ADHFE1: variants seen among roughly 807,000 people sequenced by gnomAD.
ADHFE1 encodes hydroxyacid-oxoacid transhydrogenase, mitochondrial.
A neutral mutation model predicts 54.8 loss-of-function variants in ADHFE1; 37 were observed. The observed-to-expected ratio is 0.68, with a 90% CI of 0.52 to 0.89. The LOEUF is 0.89. Ranked by LOEUF, ADHFE1 falls within the 40% of genes least tolerant of loss-of-function variation. ADHFE1 has a pLI of 0.00. For missense variants in ADHFE1, 601 were observed against 591.2 expected, an observed-to-expected ratio of 1.02 and a Z score of -0.17; for synonymous variants, 203 against 229.3, an observed-to-expected ratio of 0.89 and a Z score of 1.04.
At chr8:66,449,930 G>T (rs759319173) in intron 8 of ADHFE1, among the ~76,000 whole-genome samples, 8 of 152,170 alleles carry the variant, frequency 5.3e-5, no homozygotes, top group Non-Finnish European at 1.2e-4. Context: ...ACCAGCCTGG[G>T]CAACAAAGTG....
intron 1 of ADHFE1, among the ~76,000 whole-genome samples, chr8:66,438,651 G>A (rs1049261905): frequency 2.6e-5 from 4 of 152,092 alleles, no homozygotes; most frequent in East Asian, 1.9e-4. Context: ...AATGTAGGTC[G>A]GGAGGAGAGA....
In ADHFE1 at chr8:66,439,814, C is replaced by A. The variant is rs983252020; in HGVS notation, c.60-348C>A. 9.2e-7 allele frequency: 1 copy of A among 1,092,796 alleles called. No homozygotes were observed. Among genetic ancestry groups the A allele is most frequent in the Admixed American group, 4.6e-5 (1 of 21,924 alleles). The allele number at this position is 1,092,796 out of a possible 1,614,324, so 67.7% of individuals were successfully genotyped here. The stretch of plus-strand genomic sequence containing the variant: ...GGGCCGATTTGGTCAACGCTCCTAA[C>A]CCAGTAAGAGCTGGGGCTTCATGGA... On this transcript the variant is annotated intron_variant, in intron 1 of 13. Coordinates refer to ENST00000396623, the MANE Select transcript of ADHFE1 (RefSeq NM_144650.3). This position sits in a 1 kb window ranked among gnomAD's most constrained non-coding sequence, Gnocchi z 4.4.
chr8:66,444,251 A>G lies in ADHFE1; in HGVS notation c.145-116A>G, dbSNP rs956918922. ...CAGGTGGGAGATGACCTGGAAGACC[A>G]TGCTAAGGAGTGTATACTTTATGCT... On this transcript the variant is annotated intron_variant, in intron 3 of 13. Transcript: ENST00000396623. The G allele has an allele frequency of 4.4e-6, 4 of 903,952 alleles. No individual in the cohort carries two copies. In the African/African-American group the frequency reaches 5.0e-5, roughly 11 times the overall value. The allele number at this position is 903,952 out of a possible 1,614,324, so 56.0% of individuals were successfully genotyped here.
At chr8:66,436,727 G>C (rs564447635) in intron 1 of ADHFE1, among the ~76,000 whole-genome samples, 3 of 152,212 alleles carry the variant, frequency 2.0e-5, no homozygotes, top group Non-Finnish European at 2.9e-5. Context: ...CATGAGACCA[G>C]GGGAGGTCAC....
chr8:66,458,380 G>T (rs1225434399), intron 12 of ADHFE1, among the ~76,000 whole-genome samples: 1 of 152,226 alleles, frequency 6.6e-6, no homozygotes. Context: ...CCAGGGCAGA[G>T]AGGGGCCAGG....
rs149219302 is a variant in ADHFE1 at position 66,453,808 on chromosome 8, C to T, written c.888-251C>T. 566 of 1,450,284 alleles carry T rather than the reference C, an allele frequency of 3.9e-4. 1 individual carries two copies. In the African/African-American group the frequency reaches 6.6e-3, roughly 17 times the overall value. The allele number at this position is 1,450,284 out of a possible 1,614,324, so 89.8% of individuals were successfully genotyped here. A position where few individuals can be genotyped will look rare whatever the true frequency, so the allele number is the denominator to read the frequency against. Reference sequence around the variant, plus strand: ...CCAGGGACCAGCGCGTTGCCTCCCCCGGCGCTTTTACATCACATGAGCAGC... The same window carrying T: ...CCAGGGACCAGCGCGTTGCCTCCCCTGGCGCTTTTACATCACATGAGCAGC... On this transcript the variant is annotated intron_variant, in intron 9 of 13. Transcript: ENST00000396623.
intron 13 of ADHFE1, among the ~76,000 whole-genome samples, chr8:66,464,433 A>T (rs796712078): frequency 3.9e-5 from 6 of 151,970 alleles, no homozygotes; most frequent in African/African-American, 1.4e-4. Flanking sequence ...ATCAGATAAG[A>T]CTCTCTCCCA....
intron 12 of ADHFE1, among the ~76,000 whole-genome samples, chr8:66,458,321 G>C (rs1806703486): frequency 6.6e-6 from 1 of 152,174 alleles, no homozygotes; most frequent in Non-Finnish European, 1.5e-5. Flanking sequence ...TCCTGCAGGA[G>C]CTCCCGCTGA....
At chr8:66,433,037 C>T in intron 1 of ADHFE1, 4 of 359,020 alleles carry the variant, frequency 1.1e-5, no homozygotes, top group Non-Finnish European at 1.6e-5. Flanking sequence ...CCGGCTATAG[C>T]AGACTGGGTG....
At chr8:66,441,719 G>A (rs4737798) in intron 2 of ADHFE1, among the ~76,000 whole-genome samples, 49,840 of 151,914 alleles carry the variant, frequency 0.33, 8,836 homozygotes, top group South Asian at 0.44. Flanking sequence ...TTATTAGGCC[G>A]GGCACGGTGG....
intron 12 of ADHFE1, chr8:66,459,399 T>C (rs1046494403): frequency 6.9e-6 from 1 of 144,342 alleles, no homozygotes; most frequent in Non-Finnish European, 1.5e-5. Context: ...TGCATTATTT[T>C]TTAATTTTTA....
intron 12 of ADHFE1, chr8:66,459,430 A>ATATATATATATATTT (rs1191407388): frequency 7.9e-6 from 1 of 126,806 alleles, no homozygotes; most frequent in African/African-American, 3.0e-5. Context: ...ATATATATAT[A>ATATATATATATATTT]TTTTTTTTTT....
Position 66,439,551 on chromosome 8 carries a change from A to G in ADHFE1, c.60-611A>G. ...CTCGGAGCGCACCGGGTGTGCGCGCAGCTGGGGCCTCTGGGGAGCGGCGCG... is the reference window on the plus strand; with the variant it reads ...CTCGGAGCGCACCGGGTGTGCGCGCGGCTGGGGCCTCTGGGGAGCGGCGCG... On this transcript the variant is annotated intron_variant, in intron 1 of 13. Coordinates refer to ENST00000396623, the MANE Select transcript of ADHFE1 (RefSeq NM_144650.3). The surrounding 1 kb of genome is among the most constrained non-coding windows in gnomAD (Gnocchi z 4.4). 2.0e-6 allele frequency: 2 copies of G among 985,788 alleles called. No individual in the cohort carries two copies. The highest frequency in any genetic ancestry group is 2.4e-6 in the Non-Finnish European group (2 of 830,206). The allele number at this position is 985,788 out of a possible 1,614,324, so 61.1% of individuals were successfully genotyped here. A position where few individuals can be genotyped will look rare whatever the true frequency, so the allele number is the denominator to read the frequency against.
chr8:66,456,377 CG>C (rs945778279), intron 10 of ADHFE1, among the ~76,000 whole-genome samples: 1 of 152,136 alleles, frequency 6.6e-6, no homozygotes, highest in Non-Finnish European at 1.5e-5. Flanking sequence ...CAAGCTTGCA[CG>C]TCATCAAATA....
intron 13 of ADHFE1, among the ~76,000 whole-genome samples, chr8:66,463,815 T>A (rs1056480428): frequency 1.3e-5 from 2 of 152,198 alleles, no homozygotes; most frequent in African/African-American, 4.8e-5. Flanking sequence ...TGTTCAGCAG[T>A]GAAGGATTGG....
At position 66,467,704 on chromosome 8, in the gene ADHFE1, C is replaced by A. The variant is rs147364575; in HGVS notation, c.1321-565C>A. ...AGAGTATAAATAGAAGTAGGATGTG[C>A]TGGATGTCTTCGCTGAATTGACTCA... On this transcript the variant is annotated intron_variant, in intron 13 of 13. Transcript: ENST00000396623. Among the ~76,000 whole-genome samples, 4 of 152,216 alleles carry A rather than the reference C, an allele frequency of 2.6e-5. No homozygotes were observed. In the East Asian group the frequency reaches 7.7e-4, roughly 29 times the overall value.
Position 66,454,526 on chromosome 8 carries a change from T to C in ADHFE1, c.986+369T>C, listed in dbSNP as rs532044826. Among the ~76,000 whole-genome samples, 12 of 152,272 alleles carry C rather than the reference T, an allele frequency of 7.9e-5. No homozygotes were observed. In the South Asian group the frequency reaches 2.3e-3, roughly 29 times the overall value. The stretch of plus-strand genomic sequence containing the variant: ...TATTTTTAAGGTATAATTCACATAC[T>C]ATACAATTCACCCATTTAAAATGTA... On this transcript the variant is annotated intron_variant, in intron 10 of 13. Coordinates refer to ENST00000396623, the MANE Select transcript of ADHFE1 (RefSeq NM_144650.3).
chr8:66,444,303 T>C (rs1442674516), intron 3 of ADHFE1, 64 bp from the exon 4 acceptor site: 1 of 1,510,456 alleles, frequency 6.6e-7, no homozygotes, highest in East Asian at 2.3e-5. Flanking sequence ...CATTTCAGGT[T>C]TTTAGAAATG....
intron 7 of ADHFE1, 52 bp downstream of exon 7, chr8:66,447,393 T>C: frequency 1.5e-6 from 2 of 1,351,812 alleles, no homozygotes; most frequent in South Asian, 1.2e-5. Context: ...TCCACACTCT[T>C]CTTTAAATCC....
Sources: gnomAD v4.1 joint callset for allele counts (sites outside exome capture counted in the v4.1 genomes callset) on GRCh38, gnomAD v4.1.1 for gene constraint, Gnocchi (gnomAD v3.1) non-coding constraint, MANE v1.5 for transcripts, NCBI Gene and HGNC (gene_info 2026-07-23, HGNC 2026-07-21) for gene names.